The following PRIM2 variants were observed in gnomAD, a reference collection of about 807,000 sequenced individuals.
PRIM2 encodes DNA primase subunit 2, also known as DNA primase large subunit.
In PRIM2, 39 loss-of-function variants were observed where a neutral mutation model predicts 67.3. The ratio of observed to expected loss-of-function variants is 0.58; its 90% CI spans 0.45 to 0.76. PRIM2 has a LOEUF of 0.76. Among genes scored for constraint, PRIM2 ranks in the 30% least tolerant of loss-of-function variants. The pLI is 0.00. For missense variants in PRIM2, 398 were observed against 598.7 expected, an observed-to-expected ratio of 0.66 and a Z score of 3.50; for synonymous variants, 143 against 198.7, an observed-to-expected ratio of 0.72 and a Z score of 2.36.
At chr6:57,274,196 T>G in the PRIM2 span, among the ~76,000 whole-genome samples, 5 of 152,252 alleles carry the variant, frequency 3.3e-5, no homozygotes, top group Admixed American at 1.3e-4. Flanking sequence ...TACTGCTGTC[T>G]TTTTGTTTGT....
At chr6:57,395,674 TG>T (rs1337457036) in intron 7 of PRIM2, among the ~76,000 whole-genome samples, 1 of 152,174 alleles carries the variant, frequency 6.6e-6, no homozygotes, top group African/African-American at 2.4e-5. Context: ...AATTCTGCTC[TG>T]ATCTTGGTTA....
rs1773670537 is a variant in PRIM2 at position 57,483,175 on chromosome 6, TG to T, written c.694-24209del. On this transcript the variant is annotated intron_variant, in intron 7 of 13. Coordinates refer to ENST00000615550, the MANE Select transcript of PRIM2 (RefSeq NM_000947.5). ...TACCAGCCTCGGCCTCCCAAAGTGCTGGGATTACAGGCATGAGCCACTGCGC... is the reference window on the plus strand; with the variant it reads ...TACCAGCCTCGGCCTCCCAAAGTGCTGGATTACAGGCATGAGCCACTGCGC... 3.9e-5 allele frequency among the ~76,000 whole-genome samples: 6 copies of T among 152,202 alleles called. 1 individual carries two copies. Among genetic ancestry groups the T allele is most frequent in the Admixed American group, 3.3e-4 (5 of 15,276 alleles).
chr6:57,566,823 G>T (rs1330421781), intron 10 of PRIM2, among the ~76,000 whole-genome samples: 2 of 152,260 alleles, frequency 1.3e-5, no homozygotes, highest in East Asian at 3.9e-4. Flanking sequence ...GTAGTTTTCA[G>T]AGCAATTAAG....
intron 10 of PRIM2, among the ~76,000 whole-genome samples, chr6:57,550,291 T>C (rs1430982695): frequency 6.6e-6 from 1 of 152,180 alleles, no homozygotes; most frequent in Admixed American, 6.5e-5. Context: ...ATGTTAAGGG[T>C]TTAATTCTTC....
chr6:57,620,203 A>T (rs2127496716), intron 12 of PRIM2, among the ~76,000 whole-genome samples: 1 of 152,318 alleles, frequency 6.6e-6, no homozygotes, highest in South Asian at 2.1e-4. Context: ...CTCAAAAAAA[A>T]GACAAAGAAC....
intron 11 of PRIM2, among the ~76,000 whole-genome samples, chr6:57,602,457 C>T (rs1776488086): frequency 6.6e-6 from 1 of 152,142 alleles, no homozygotes; most frequent in Non-Finnish European, 1.5e-5. Flanking sequence ...TAAAATCAGA[C>T]TTTATTTGCA....
chr6:57,465,109 A>G (rs1287790154), intron 7 of PRIM2, among the ~76,000 whole-genome samples: 32 of 152,184 alleles, frequency 2.1e-4, no homozygotes, highest in Non-Finnish European at 7.3e-5. Context: ...CACTACAGTA[A>G]GAGTGTAGTG....
intron 7 of PRIM2, among the ~76,000 whole-genome samples, chr6:57,388,249 G>T (rs1173983838): frequency 1.3e-5 from 2 of 152,194 alleles, no homozygotes; most frequent in Non-Finnish European, 2.9e-5. Context: ...ATAGATGACT[G>T]TGGCTGCTGC....
Position 57,320,114 on chromosome 6 carries a change from A to G in PRIM2, c.155-343A>G, listed in dbSNP as rs1767601873. Among the ~76,000 whole-genome samples, 2 of 152,186 alleles carry G rather than the reference A, an allele frequency of 1.3e-5. 1 individual carries two copies. The highest frequency in any genetic ancestry group is 4.1e-4 in the South Asian group (2 of 4,828). On this transcript the variant is annotated intron_variant, in intron 2 of 13. Coordinates refer to ENST00000615550, the MANE Select transcript of PRIM2 (RefSeq NM_000947.5). ...AAATGATGCCTACTGCCTAACAGGC[A>G]GCTCCCATACGAAGGATGCAAACAA...
intron 10 of PRIM2, among the ~76,000 whole-genome samples, chr6:57,543,338 C>G (rs1229614271): frequency 6.6e-6 from 1 of 152,152 alleles, no homozygotes; most frequent in Non-Finnish European, 1.5e-5. Flanking sequence ...TTTGAAATAA[C>G]AGCTTCTGTT....
At chr6:57,252,452 T>TC in the PRIM2 span, among the ~76,000 whole-genome samples, 1 of 152,370 alleles carries the variant, frequency 6.6e-6, no homozygotes, top group East Asian at 1.9e-4. Flanking sequence ...CTTTTTCTTT[T>TC]TTTTTTGAGA....
chr6:57,375,672 CTTTT>C (rs1226774379), intron 5 of PRIM2, among the ~76,000 whole-genome samples: 1 of 136,210 alleles, frequency 7.3e-6, no homozygotes, highest in Non-Finnish European at 1.6e-5. Flanking sequence ...CCGCCTCAGC[CTTTT>C]TTTTTTTTTT....
intron 5 of PRIM2, among the ~76,000 whole-genome samples, chr6:57,343,476 C>T (rs1239950914): frequency 1.3e-5 from 2 of 152,158 alleles, no homozygotes; most frequent in Non-Finnish European, 2.9e-5. Flanking sequence ...TCTTTTGACA[C>T]AGAATGAACT....
the PRIM2 span, among the ~76,000 whole-genome samples, chr6:57,305,886 G>A: frequency 6.6e-6 from 1 of 152,120 alleles, no homozygotes; most frequent in Non-Finnish European, 1.5e-5. Flanking sequence ...TGAATAACTA[G>A]TACTGTAATA....
chr6:57,222,681 G>A, the PRIM2 span, among the ~76,000 whole-genome samples: 2 of 152,216 alleles, frequency 1.3e-5, no homozygotes, highest in African/African-American at 4.8e-5. Context: ...AGAAGCCTGA[G>A]ATGGTTAATT....
At chr6:57,498,120 C>G (rs1774047134) in intron 7 of PRIM2, among the ~76,000 whole-genome samples, 1 of 152,080 alleles carries the variant, frequency 6.6e-6, no homozygotes, top group African/African-American at 2.4e-5. Flanking sequence ...ACAACCTGTT[C>G]TCTTTAAAGC....
intron 8 of PRIM2, among the ~76,000 whole-genome samples, chr6:57,510,883 A>G (rs1317817921): frequency 2.6e-5 from 4 of 152,238 alleles, no homozygotes; most frequent in African/African-American, 7.2e-5. Flanking sequence ...AGAGATTTTA[A>G]TAATAATTTT....
chr6:57,399,459 G>C (rs1287590505), intron 7 of PRIM2, among the ~76,000 whole-genome samples: 16 of 152,280 alleles, frequency 1.1e-4, no homozygotes, highest in Admixed American at 3.3e-4. Context: ...ATTTGGGTTG[G>C]TTCCAAGTCT....
intron 7 of PRIM2, among the ~76,000 whole-genome samples, chr6:57,414,406 T>C (rs370039248): frequency 9.2e-5 from 14 of 151,808 alleles, no homozygotes; most frequent in African/African-American, 3.4e-4. Context: ...GAGAGAGGTG[T>C]TCTCAATTTG....
Sources: allele counts gnomAD v4.1 joint callset (sites outside exome capture counted in the v4.1 genomes callset), GRCh38; gene constraint gnomAD v4.1.1; transcripts MANE v1.5; gene names NCBI Gene and HGNC (gene_info 2026-07-23, HGNC 2026-07-21).